Variants in BACH2 observed in about 807,000 individuals in gnomAD.
BACH2 encodes BACH transcriptional regulator 2, also known as transcription regulator protein BACH2.
In BACH2, 5 loss-of-function variants were observed where a neutral mutation model predicts 61.8. The ratio of observed to expected loss-of-function variants is 0.08; its 90% CI spans 0.04 to 0.17. The LOEUF is 0.17. BACH2 is among the 10% of genes least tolerant of loss of function. The probability of loss-of-function intolerance (pLI) is 1.00; values close to 1 mark genes in which losing one functional copy is unlikely to be tolerated. For synonymous variants in BACH2, 446 were observed against 440.1 expected (o/e 1.01, Z -0.17); for missense variants, 824 against 1,091.1 (o/e 0.76, Z 3.45).
chr6:90,208,513 A>T (rs1163835280), intron 3 of BACH2, among the ~76,000 whole-genome samples: 1 of 152,240 alleles, frequency 6.6e-6, no homozygotes, highest in African/African-American at 2.4e-5. Context: ...ATACCACCTC[A>T]CACCAGTTAG....
At chr6:90,112,439 G>A (rs1036352061) in intron 4 of BACH2, among the ~76,000 whole-genome samples, 4 of 152,070 alleles carry the variant, frequency 2.6e-5, no homozygotes, top group African/African-American at 9.7e-5. Context: ...AGAGATTCAC[G>A]GCCTATATTC....
chr6:89,981,724 T>C (rs1228623141), intron 6 of BACH2, among the ~76,000 whole-genome samples: 1 of 152,176 alleles, frequency 6.6e-6, no homozygotes, highest in Non-Finnish European at 1.5e-5. Flanking sequence ...TCTTTAAAAA[T>C]CCTGGGTCTG....
At position 89,938,997 on chromosome 6, in the gene BACH2, G is replaced by A. The variant is rs181501425; in HGVS notation, c.1837-647C>T. Among the ~76,000 whole-genome samples, 556 of 152,318 alleles carry A rather than the reference G, an allele frequency of 3.7e-3. 2 individuals carry two copies. The highest frequency in any genetic ancestry group is 0.013 in the African/African-American group (533 of 41,562). ...AAAAATAGGGCATTTTAAAAAAGCCGTACAGTGCTATACAAGTGTTGGGCA... is the reference window on the plus strand; with the variant it reads ...AAAAATAGGGCATTTTAAAAAAGCCATACAGTGCTATACAAGTGTTGGGCA... On this transcript the variant is annotated intron_variant, in intron 7 of 8. Transcript: ENST00000257749.
chr6:89,951,894 AC>A lies in BACH2; in HGVS notation c.244-33del. ...AACAAACAGGGAAATCGCCAACATT[AC>A]CATCAGCACTGCTATTGTCCCGAAT... On this transcript the variant is annotated intron_variant, in intron 6 of 8. Transcript: ENST00000257749. The surrounding 1 kb of genome is among the most constrained non-coding windows in gnomAD (Gnocchi z 6.4). 4 of 1,594,090 alleles carry A rather than the reference AC, an allele frequency of 2.5e-6. No individual in the cohort carries two copies. Among genetic ancestry groups the A allele is most frequent in the Non-Finnish European group, 3.4e-6 (4 of 1,167,714 alleles).
intron 6 of BACH2, among the ~76,000 whole-genome samples, chr6:89,960,163 T>C (rs1038811415): frequency 1.3e-5 from 2 of 152,222 alleles, no homozygotes; most frequent in Admixed American, 6.5e-5. Flanking sequence ...TCTCCTTCCC[T>C]TTTCTGTTCT....
At chr6:90,245,472 G>A (rs1168432415) in intron 3 of BACH2, among the ~76,000 whole-genome samples, 10 of 152,162 alleles carry the variant, frequency 6.6e-5, no homozygotes, top group Admixed American at 6.5e-4. Flanking sequence ...GTGCGTGCCT[G>A]TAGTCCCAGC....
intron 5 of BACH2, among the ~76,000 whole-genome samples, chr6:90,038,418 T>C (rs1012054017): frequency 6.6e-6 from 1 of 152,210 alleles, no homozygotes; most frequent in Non-Finnish European, 1.5e-5. Flanking sequence ...TAATTTTTTG[T>C]GTGTCTGGCT....
intron 8 of BACH2, among the ~76,000 whole-genome samples, chr6:89,936,090 G>C (rs1773006804): frequency 6.6e-6 from 1 of 152,210 alleles, no homozygotes; most frequent in Admixed American, 6.5e-5. Context: ...CTGGGCGCCA[G>C]CAATGGGTCC....
intron 6 of BACH2, among the ~76,000 whole-genome samples, chr6:89,987,254 G>A (rs1477619210): frequency 6.6e-6 from 1 of 152,184 alleles, no homozygotes; most frequent in African/African-American, 2.4e-5. Context: ...AAGGAGTTGG[G>A]TCAGTATGGT....
intron 4 of BACH2, among the ~76,000 whole-genome samples, chr6:90,189,614 CAAAAAAA>C (rs59022545): frequency 2.7e-4 from 13 of 47,768 alleles, no homozygotes; most frequent in South Asian, 1.0e-3. Flanking sequence ...GACTCCGTCT[CAAAAAAA>C]AAAAAAAAAA....
intron 4 of BACH2, among the ~76,000 whole-genome samples, chr6:90,131,240 A>G (rs1784068391): frequency 6.6e-6 from 1 of 152,226 alleles, no homozygotes; most frequent in South Asian, 2.1e-4. Context: ...TGAACTTTCA[A>G]TGAATTCAGA....
intron 4 of BACH2, among the ~76,000 whole-genome samples, chr6:90,132,090 T>C (rs192976529): frequency 4.6e-4 from 70 of 152,272 alleles, no homozygotes; most frequent in Non-Finnish European, 6.6e-4. Flanking sequence ...CTACTGTGAA[T>C]CAGGTAGCAG....
chr6:90,015,906 G>A (rs1778034988), intron 5 of BACH2, among the ~76,000 whole-genome samples: 2 of 152,242 alleles, frequency 1.3e-5, no homozygotes, highest in South Asian at 4.1e-4. Context: ...GTCAGTTATT[G>A]TAATTCTATT....
At chr6:90,233,282 G>T (rs1220070346) in intron 3 of BACH2, among the ~76,000 whole-genome samples, 1 of 152,144 alleles carries the variant, frequency 6.6e-6, no homozygotes, top group Non-Finnish European at 1.5e-5. Context: ...GTATTTATTG[G>T]ACTATCACCC....
intron 5 of BACH2, among the ~76,000 whole-genome samples, chr6:90,026,993 C>T (rs1778670110): frequency 6.6e-6 from 1 of 152,162 alleles, no homozygotes; most frequent in Admixed American, 6.6e-5. Context: ...GCTTGAGGGT[C>T]ATTCAGGTAG....
At chr6:90,068,468 C>T (rs1582304113) in intron 5 of BACH2, among the ~76,000 whole-genome samples, 1 of 152,092 alleles carries the variant, frequency 6.6e-6, no homozygotes, top group African/African-American at 2.4e-5. Context: ...CGGGGGTGTA[C>T]ACAAGGCAAG....
chr6:90,055,573 C>A (rs1028000122), intron 5 of BACH2, among the ~76,000 whole-genome samples: 1 of 151,378 alleles, frequency 6.6e-6, no homozygotes. Context: ...AGGAGAACTT[C>A]CCCAATGTAG....
At chr6:90,046,541 C>T (rs1779786259) in intron 5 of BACH2, among the ~76,000 whole-genome samples, 1 of 152,150 alleles carries the variant, frequency 6.6e-6, no homozygotes, top group Non-Finnish European at 1.5e-5. Flanking sequence ...GAATATGGTA[C>T]ACCTCCTCCC....
chr6:90,109,728 A>G (rs529644300), intron 4 of BACH2, among the ~76,000 whole-genome samples: 1 of 152,308 alleles, frequency 6.6e-6, no homozygotes, highest in East Asian at 1.9e-4. Context: ...CTGAAGATGA[A>G]TCAAAGAGAA....
Sources: allele counts gnomAD v4.1 joint callset (sites outside exome capture counted in the v4.1 genomes callset), GRCh38; gene constraint gnomAD v4.1.1; non-coding constraint Gnocchi (gnomAD v3.1); transcripts MANE v1.5; gene names NCBI Gene and HGNC (gene_info 2026-07-23, HGNC 2026-07-21).